The following DAZAP2 variants were observed in gnomAD, a reference collection of about 807,000 sequenced individuals.
The protein encoded by DAZAP2 is DAZ-associated protein 2.
In DAZAP2, 3 loss-of-function variants were observed where a neutral mutation model predicts 16.2. The ratio of observed to expected loss-of-function variants is 0.19; its 90% CI spans 0.08 to 0.48. The LOEUF is 0.48. Ranked by LOEUF, DAZAP2 falls within the 20% of genes least tolerant of loss-of-function variation. DAZAP2 has a pLI of 0.98. For missense variants in DAZAP2, 172 were observed against 215.9 expected (o/e 0.80, Z 1.27); for synonymous variants, 69 against 77.6 (o/e 0.89, Z 0.58).
In DAZAP2 at chr12:51,242,699, T is replaced by C. The variant is rs1346932287; in HGVS notation, c.*241T>C. 3 of 1,496,104 alleles carry C rather than the reference T, an allele frequency of 2.0e-6. No individual in the cohort carries two copies. Among genetic ancestry groups the C allele is most frequent in the Middle Eastern group, 2.2e-4 (1 of 4,586 alleles). The allele number at this position is 1,496,104 out of a possible 1,614,324, so 92.7% of individuals were successfully genotyped here. A position where few individuals can be genotyped will look rare whatever the true frequency, so the allele number is the denominator to read the frequency against. ...TATCCATTCATAAAATGAATGTGGGTGAAGCCGCCCTAAGGATTTTCCTTT... is the reference window on the plus strand; with the variant it reads ...TATCCATTCATAAAATGAATGTGGGCGAAGCCGCCCTAAGGATTTTCCTTT... On this transcript the variant is annotated 3_prime_UTR_variant, in exon 4 of 4. Transcript: ENST00000412716.
In DAZAP2 at chr12:51,242,558, G is replaced by C. The variant is rs1278257723; in HGVS notation, c.*100G>C. The C allele has an allele frequency of 6.2e-7, 1 of 1,612,380 alleles. No individual in the cohort carries two copies. The highest frequency in any genetic ancestry group is 8.5e-7 in the Non-Finnish European group (1 of 1,179,620). On this transcript the variant is annotated 3_prime_UTR_variant, in exon 4 of 4. Transcript: ENST00000412716. ...CATATTAACCTGAAGTTGCAGTTTA[G>C]ACACATGTTGTTGGGGTGTCTTTCT...
chr12:51,240,636 TTTGTG>T (rs1206517599), intron 2 of DAZAP2, 175 bp downstream of exon 2: 3 of 838,090 alleles, frequency 3.6e-6, no homozygotes, highest in Non-Finnish European at 5.5e-6. Flanking sequence ...ATTTGATGAT[TTTGTG>T]TTATTTGGCA....
chr12:51,244,852 TCTCA>T (rs1944744919), downstream of DAZAP2: 1 of 118,586 alleles, frequency 8.4e-6, no homozygotes, highest in Non-Finnish European at 1.6e-5. Flanking sequence ...TGAGACGGAG[TCTCA>T]CTCTGTTGCC....
chr12:51,246,667 C>T, downstream of DAZAP2: 1 of 824,664 alleles, frequency 1.2e-6, no homozygotes, highest in South Asian at 2.0e-5. Context: ...AGAGTGAGCC[C>T]ATTAATGGAT....
At position 51,241,660 on chromosome 12, in the gene DAZAP2, A is replaced by C. The variant is rs529352476; in HGVS notation, c.378+544A>C. Among the ~76,000 whole-genome samples the C allele has an allele frequency of 2.2e-4, 34 of 152,312 alleles. No individual in the cohort carries two copies. In the South Asian group the frequency reaches 5.4e-3, roughly 24 times the overall value. The stretch of plus-strand genomic sequence containing the variant: ...ATTAGCGAGCCTTCAGTTTTCCAGT[A>C]GTTCATTCAAAAACTGTGTAAGGGC... On this transcript the variant is annotated intron_variant, in intron 3 of 3. Coordinates refer to ENST00000412716, the MANE Select transcript of DAZAP2 (RefSeq NM_014764.4).
downstream of DAZAP2, chr12:51,245,179 A>G (rs1944750116): frequency 6.6e-6 from 1 of 152,100 alleles, no homozygotes; most frequent in Non-Finnish European, 1.5e-5. Flanking sequence ...TTCCTGCACC[A>G]TCTTTGTCTC....
chr12:51,239,040 C>A (rs1944607818), intron 1 of DAZAP2, 120 bp downstream of exon 1: 2 of 1,432,040 alleles, frequency 1.4e-6, no homozygotes, highest in Non-Finnish European at 1.9e-6. Context: ...GCTCCTTGGC[C>A]GGCTGCAGTC....
chr12:51,245,785 A>G (rs1944759943), downstream of DAZAP2: 2 of 737,912 alleles, frequency 2.7e-6, no homozygotes, highest in South Asian at 4.0e-5. Context: ...CCCTGGAGTC[A>G]GTGATGTCGG....
Position 51,242,933 on chromosome 12 carries a change from C to A in DAZAP2, c.*475C>A. On this transcript the variant is annotated 3_prime_UTR_variant, in exon 4 of 4. Coordinates refer to ENST00000412716, the MANE Select transcript of DAZAP2 (RefSeq NM_014764.4). ...CTGCCTTTTCCTTTCCATCCCTTGC[C>A]CCACCCATCCCATCTCCAACCCTAG... 1 of 1,109,078 alleles carries A rather than the reference C, an allele frequency of 9.0e-7. No homozygotes were observed. The highest frequency in any genetic ancestry group is 1.1e-6 in the Non-Finnish European group (1 of 908,792). 68.7% of individuals were successfully genotyped at this position (1,109,078 alleles called of 1,614,324 possible). A position where few individuals can be genotyped will look rare whatever the true frequency, so the allele number is the denominator to read the frequency against.
chr12:51,246,124 G>A, downstream of DAZAP2: 1 of 1,613,680 alleles, frequency 6.2e-7, no homozygotes, highest in South Asian at 1.1e-5. Context: ...TAACAACTTG[G>A]AAAGGAGAGG....
At chr12:51,246,504 T>TA, downstream of DAZAP2, 4 of 446,038 alleles carry the variant, frequency 9.0e-6, no homozygotes, top group South Asian at 1.9e-4. Context: ...CCTACCCACG[T>TA]ACTCAAGTGT....
At chr12:51,241,793 C>T (rs536934889) in intron 3 of DAZAP2, among the ~76,000 whole-genome samples, 2 of 151,944 alleles carry the variant, frequency 1.3e-5, no homozygotes, top group Admixed American at 6.6e-5. Context: ...TGGTGGCAGG[C>T]GTCTGTAATC....
At chr12:51,245,841 A>G, downstream of DAZAP2, 1 of 1,385,144 alleles carries the variant, frequency 7.2e-7, no homozygotes, top group Non-Finnish European at 9.8e-7. Flanking sequence ...GCCCACATCA[A>G]TCAATGCTTC....
intron 2 of DAZAP2, 42 bp from the exon 3 acceptor site, chr12:51,240,829 T>C (rs572200972): frequency 1.3e-6 from 2 of 1,595,900 alleles, no homozygotes; most frequent in African/African-American, 1.3e-5. Flanking sequence ...CAAATAGGAA[T>C]GTCATAAAGT....
At position 51,242,324 on chromosome 12, in the gene DAZAP2, T is replaced by C. The variant is rs1433817986; in HGVS notation, c.379-6T>C. On this transcript the variant is annotated splice_polypyrimidine_tract_variant and splice_region_variant and intron_variant, in intron 3 of 3. Coordinates refer to ENST00000412716, the MANE Select transcript of DAZAP2 (RefSeq NM_014764.4). ...GTGCCCATTCTATCATGTCATTTCCTTTCAGCCTCCACCTCCTGGATGCCC... is the reference window on the plus strand; with the variant it reads ...GTGCCCATTCTATCATGTCATTTCCCTTCAGCCTCCACCTCCTGGATGCCC... 9 of 1,581,140 alleles carry C rather than the reference T, an allele frequency of 5.7e-6. No individual in the cohort carries two copies. Among genetic ancestry groups the C allele is most frequent in the African/African-American group, 1.4e-5 (1 of 73,958 alleles).
At chr12:51,244,782 C>G (rs1460664891), downstream of DAZAP2, 1 of 151,150 alleles carries the variant, frequency 6.6e-6, no homozygotes, top group East Asian at 1.9e-4. Flanking sequence ...CTGGCCCTTG[C>G]CAGGATGGAG....
Position 51,242,616 on chromosome 12 carries a change from A to C in DAZAP2, c.*158A>C. The C allele has an allele frequency of 6.3e-7, 1 of 1,574,950 alleles. No homozygotes were observed. The highest frequency in any genetic ancestry group is 8.6e-7 in the Non-Finnish European group (1 of 1,159,830). ...AAACTTTCAGGCACTTTTCAAATTT[A>C]ATAAGGAACCATGTAATGGTAGCAG... On this transcript the variant is annotated 3_prime_UTR_variant, in exon 4 of 4. Transcript: ENST00000412716.
chr12:51,243,125 T>C lies in DAZAP2; in HGVS notation c.*667T>C. On this transcript the variant is annotated 3_prime_UTR_variant, in exon 4 of 4. Coordinates refer to ENST00000412716, the MANE Select transcript of DAZAP2 (RefSeq NM_014764.4). ...TCTGTGCCCCAAGTACAGATGCCAT[T>C]ACTTCTGCTTTCGTATCTCCTCAGG... 1.3e-5 allele frequency: 13 copies of C among 986,102 alleles called. No individual in the cohort carries two copies. The highest frequency in any genetic ancestry group is 1.6e-5 in the Non-Finnish European group (13 of 830,282). The allele number at this position is 986,102 out of a possible 1,614,324, so 61.1% of individuals were successfully genotyped here.
At chr12:51,240,634 A>AT in intron 2 of DAZAP2, 173 bp downstream of exon 2, 1 of 838,166 alleles carries the variant, frequency 1.2e-6, no homozygotes, top group Non-Finnish European at 1.8e-6. Context: ...TTATTTGATG[A>AT]TTTTGTGTTA....
Sources: gnomAD v4.1 joint callset for allele counts (sites outside exome capture counted in the v4.1 genomes callset) on GRCh38, gnomAD v4.1.1 for gene constraint, MANE v1.5 for transcripts, NCBI Gene and HGNC (gene_info 2026-07-23, HGNC 2026-07-21) for gene names.